Variants in CUX1 observed in about 807,000 individuals in gnomAD.
CUX1 encodes protein CASP.
A neutral mutation model predicts 158.8 loss-of-function variants in CUX1; 31 were observed. The observed-to-expected ratio is 0.20, with a 90% CI of 0.15 to 0.26. CUX1 has a LOEUF of 0.26. Among genes scored for constraint, CUX1 ranks in the 10% least tolerant of loss-of-function variants. The pLI is 1.00. For synonymous variants in CUX1, 879 were observed against 862.1 expected, an observed-to-expected ratio of 1.02 and a Z score of -0.34; for missense variants, 1,589 against 2,014.6, an observed-to-expected ratio of 0.79 and a Z score of 4.04.
At chr7:102,242,844 T>C (rs1263854464) in intron 23 of CUX1, among the ~76,000 whole-genome samples, 6 of 152,248 alleles carry the variant, frequency 3.9e-5, no homozygotes, top group Non-Finnish European at 5.9e-5. Context: ...CACTGTAGTC[T>C]GCGGTCATTG....
chr7:102,224,831 G>C (rs953450444), intron 20 of CUX1, among the ~76,000 whole-genome samples: 3 of 152,156 alleles, frequency 2.0e-5, no homozygotes, highest in Non-Finnish European at 2.9e-5. Context: ...CACCACACTC[G>C]GTTTATTAGC....
intron 6 of CUX1, among the ~76,000 whole-genome samples, chr7:102,105,685 G>C (rs1294927791): frequency 6.6e-6 from 1 of 151,596 alleles, no homozygotes; most frequent in Non-Finnish European, 1.5e-5. Flanking sequence ...GCTGACTTTT[G>C]TATTTTTAGT....
At chr7:102,233,990 T>C (rs555680992) in intron 21 of CUX1, 62 bp from the exon 22 acceptor site, 1 of 1,329,258 alleles carries the variant, frequency 7.5e-7, no homozygotes, top group East Asian at 2.7e-5. Flanking sequence ...TGACACGTAC[T>C]TGTCCCTTCA....
intron 20 of CUX1, among the ~76,000 whole-genome samples, chr7:102,209,844 CT>C (rs1159092129): frequency 1.3e-5 from 2 of 152,078 alleles, no homozygotes; most frequent in African/African-American, 4.8e-5. Context: ...AGAGTGTGGC[CT>C]TCTTATCATT....
intron 8 of CUX1, among the ~76,000 whole-genome samples, chr7:102,128,899 A>T (rs1286137563): frequency 1.3e-5 from 2 of 151,776 alleles, no homozygotes; most frequent in Non-Finnish European, 2.9e-5. Context: ...AATCACTTGA[A>T]CTGGGGAGGT....
chr7:101,892,718 T>A (rs1294757339), intron 1 of CUX1, among the ~76,000 whole-genome samples: 1 of 152,182 alleles, frequency 6.6e-6, no homozygotes, highest in Non-Finnish European at 1.5e-5. Context: ...TTTTTGTGTA[T>A]AATTTTGTGA....
intron 8 of CUX1, among the ~76,000 whole-genome samples, chr7:102,135,810 A>G (rs1377227804): frequency 6.6e-6 from 1 of 151,810 alleles, no homozygotes; most frequent in Non-Finnish European, 1.5e-5. Flanking sequence ...ACCCATCTCT[A>G]CTCTAAATAC....
chr7:101,895,949 A>C (rs1267884714), intron 1 of CUX1, among the ~76,000 whole-genome samples: 4 of 131,094 alleles, frequency 3.1e-5, no homozygotes, highest in Non-Finnish European at 6.1e-5. Flanking sequence ...TTACTCTGTC[A>C]TGCAGGCTGG....
chr7:101,894,907 C>T (rs1283937586), intron 1 of CUX1, among the ~76,000 whole-genome samples: 2 of 152,012 alleles, frequency 1.3e-5, no homozygotes, highest in African/African-American at 2.4e-5. Flanking sequence ...GGGAGTTCTT[C>T]CCTAGGTATG....
chr7:102,254,859 A>C lies in CUX1; in HGVS notation c.*5817A>C, dbSNP rs1554541499. On this transcript the variant is annotated 3_prime_UTR_variant, in exon 24 of 24. Transcript: ENST00000292535. ...GCTAAGAGAATGGTCCAATTTGATG[A>C]TCTTATTTCTATTTCGATCAGGTTT... The C allele has an allele frequency of 7.1e-6, 7 of 985,316 alleles. No individual in the cohort carries two copies. The highest frequency in any genetic ancestry group is 8.4e-6 in the Non-Finnish European group (7 of 829,950). 61.0% of individuals were successfully genotyped at this position (985,316 alleles called of 1,614,324 possible). A position where few individuals can be genotyped will look rare whatever the true frequency, so the allele number is the denominator to read the frequency against.
At chr7:102,270,941 C>T (rs1411281596) in intron 14 of CUX1, among the ~76,000 whole-genome samples, 2 of 152,186 alleles carry the variant, frequency 1.3e-5, no homozygotes, top group Non-Finnish European at 2.9e-5. Context: ...GCCCACGCAC[C>T]CCATCATCTC....
At chr7:101,913,987 T>C (rs1265420002) in intron 1 of CUX1, among the ~76,000 whole-genome samples, 1 of 152,134 alleles carries the variant, frequency 6.6e-6, no homozygotes, top group East Asian at 1.9e-4. Flanking sequence ...TTGAAGAGCC[T>C]TCTGCTTCGC....
At chr7:101,924,844 G>T (rs1192867915) in intron 2 of CUX1, among the ~76,000 whole-genome samples, 1 of 152,006 alleles carries the variant, frequency 6.6e-6, no homozygotes, top group Admixed American at 6.6e-5. Flanking sequence ...CAAAATGTTG[G>T]GATTACCGGC....
At chr7:102,194,135 G>T (rs558591982) in intron 13 of CUX1, 25 of 578,348 alleles carry the variant, frequency 4.3e-5, no homozygotes, top group Non-Finnish European at 7.7e-5. Context: ...ATGAACAAGG[G>T]ATTGCTTCAT....
intron 23 of CUX1, among the ~76,000 whole-genome samples, chr7:102,240,889 C>T (rs1368584947): frequency 2.6e-5 from 4 of 152,154 alleles, no homozygotes; most frequent in Admixed American, 2.0e-4. Context: ...GGCACGATCT[C>T]GGCTCACTGC....
chr7:101,823,386 G>T (rs80100958), intron 1 of CUX1, among the ~76,000 whole-genome samples: 383 of 152,302 alleles, frequency 2.5e-3, no homozygotes, highest in African/African-American at 8.8e-3. Flanking sequence ...ACTTGGTTCT[G>T]CTTCCTTTCA....
chr7:102,250,787 CGTGTGCGTGT>C lies in CUX1; in HGVS notation c.*1749_*1758del. The C allele has an allele frequency of 2.0e-6, 2 of 984,800 alleles. No individual in the cohort carries two copies. The highest frequency in any genetic ancestry group is 2.4e-6 in the Non-Finnish European group (2 of 829,476). 61.0% of individuals were successfully genotyped at this position (984,800 alleles called of 1,614,324 possible). ...ATAGAGGCGGGTGAGAGTGTGCGTG[CGTGTGCGTGT>C]GTGCAATTTTATACGTCTGTGTATT... On this transcript the variant is annotated 3_prime_UTR_variant, in exon 24 of 24. Coordinates refer to ENST00000292535, the MANE Select transcript of CUX1 (RefSeq NM_181552.4).
At chr7:102,053,086 A>G (rs1823716486) in intron 3 of CUX1, among the ~76,000 whole-genome samples, 1 of 152,206 alleles carries the variant, frequency 6.6e-6, no homozygotes, top group Non-Finnish European at 1.5e-5. Flanking sequence ...CTGGGATTAT[A>G]GGCGTGAGCC....
rs1372432917 is a variant in CUX1 at position 102,257,386 on chromosome 7, C to T, written c.*8344C>T. ...TCTTCTGCCTCTTCCCTTGAGAAAA[C>T]GGGCATCTCACGTACCCCCATCTGA... On this transcript the variant is annotated 3_prime_UTR_variant, in exon 24 of 24. Transcript: ENST00000292535. 9 of 983,966 alleles carry T rather than the reference C, an allele frequency of 9.1e-6. No homozygotes were observed. Among genetic ancestry groups the T allele is most frequent in the South Asian group, 4.7e-5 (1 of 21,242 alleles). The allele number at this position is 983,966 out of a possible 1,614,324, so 61.0% of individuals were successfully genotyped here.
Sources: allele counts gnomAD v4.1 joint callset (sites outside exome capture counted in the v4.1 genomes callset), GRCh38; gene constraint gnomAD v4.1.1; transcripts MANE v1.5; gene names NCBI Gene and HGNC (gene_info 2026-07-23, HGNC 2026-07-21).